The following ARHGAP10 variants were observed in gnomAD, a reference collection of about 807,000 sequenced individuals.
The protein encoded by ARHGAP10 is Rho GTPase activating protein 10, also known as rho GTPase-activating protein 10.
Under a neutral mutation model 108.6 loss-of-function variants are expected in ARHGAP10, and 87 were observed. The ratio of observed to expected loss-of-function variants is 0.80; its 90% CI spans 0.67 to 0.96. The LOEUF is 0.96. Ranked by LOEUF, ARHGAP10 falls within the 40% of genes least tolerant of loss-of-function variation. The probability of loss-of-function intolerance (pLI) is 0.00; values close to 1 mark genes in which losing one functional copy is unlikely to be tolerated. For missense variants in ARHGAP10, 939 were observed against 954.5 expected, an observed-to-expected ratio of 0.98 and a Z score of 0.21; for synonymous variants, 347 against 341.1, an observed-to-expected ratio of 1.02 and a Z score of -0.19.
chr4:147,968,834 G>A (rs1739297053), intron 18 of ARHGAP10, among the ~76,000 whole-genome samples: 1 of 152,182 alleles, frequency 6.6e-6, no homozygotes, highest in African/African-American at 2.4e-5. Context: ...CAGACATGTA[G>A]TAGGTGCCGG....
chr4:147,779,890 C>G (rs1730458961), intron 1 of ARHGAP10, among the ~76,000 whole-genome samples: 1 of 152,138 alleles, frequency 6.6e-6, no homozygotes, highest in Admixed American at 6.5e-5. Context: ...TTTAAAAATG[C>G]ACTAAGCCAT....
In ARHGAP10 at chr4:147,892,049, C is replaced by T. The variant is rs193044118; in HGVS notation, c.1034+10117C>T. 2.1e-3 allele frequency among the ~76,000 whole-genome samples: 319 copies of T among 152,254 alleles called. 1 individual carries two copies. Among genetic ancestry groups the T allele is most frequent in the Admixed American group, 0.018 (281 of 15,280 alleles). ...GGCACTGCTTAAAGAAAATGCTTCC[C>T]GTTTTGCTCTCATTAATCTGACATT... On this transcript the variant is annotated intron_variant, in intron 10 of 22. Transcript: ENST00000336498.
chr4:147,960,346 G>T (rs550707572), intron 16 of ARHGAP10, among the ~76,000 whole-genome samples: 4 of 152,106 alleles, frequency 2.6e-5, no homozygotes, highest in South Asian at 4.2e-4. Flanking sequence ...GTCCTCAGTT[G>T]TAAAATATCA....
intron 18 of ARHGAP10, among the ~76,000 whole-genome samples, chr4:147,987,340 G>C (rs1413962964): frequency 6.6e-6 from 1 of 152,154 alleles, no homozygotes; most frequent in Non-Finnish European, 1.5e-5. Flanking sequence ...ATTTTTTCTG[G>C]AATGATTTCC....
In ARHGAP10 at chr4:147,879,319, A is replaced by G. The variant is rs761396377; in HGVS notation, c.920A>G (p.His307Arg). The change falls in exon 9 of 23, where the codon CAC (histidine) becomes CGC (arginine). Residue 307 changes from histidine (H) to arginine (R), a missense_variant. Physicochemically the swap from His to Arg is conservative, Grantham distance 29 (BLOSUM62 0). Coordinates refer to ENST00000336498, the MANE Select transcript of ARHGAP10 (RefSeq NM_024605.4). Reference protein sequence around the residue: ...AKKFNMIPFEHRSGGKLGDGE... With the variant: ...AKKFNMIPFERRSGGKLGDGE... ...AAGTTCAACATGATCCCATTTGAGC[A>G]CAGATCTGGAGGGAAACTTGTAAGT... 4 of 1,613,534 alleles carry G rather than the reference A, an allele frequency of 2.5e-6. No homozygotes were observed. The highest frequency in any genetic ancestry group is 2.5e-6 in the Non-Finnish European group (3 of 1,179,568).
intron 7 of ARHGAP10, 42 bp from the exon 8 acceptor site, chr4:147,874,979 A>T (rs1331671969): frequency 1.3e-6 from 2 of 1,507,480 alleles, no homozygotes; most frequent in Non-Finnish European, 1.8e-6. Flanking sequence ...GAAAACTCAT[A>T]TGAGAACTTA....
At chr4:147,741,796 A>ACACACGCG (rs1162871486) in intron 1 of ARHGAP10, among the ~76,000 whole-genome samples, 1 of 43,798 alleles carries the variant, frequency 2.3e-5, no homozygotes, top group South Asian at 1.1e-3. Context: ...ACACACGCAC[A>ACACACGCG]CACACACACA....
At chr4:147,833,081 A>T (rs997230566) in intron 3 of ARHGAP10, among the ~76,000 whole-genome samples, 1 of 152,236 alleles carries the variant, frequency 6.6e-6, no homozygotes, top group African/African-American at 2.4e-5. Flanking sequence ...AATCCTGGAT[A>T]CAAGAATGGA....
At chr4:148,022,875 T>C (rs571197637) in intron 18 of ARHGAP10, among the ~76,000 whole-genome samples, 60 of 152,328 alleles carry the variant, frequency 3.9e-4, no homozygotes, top group African/African-American at 1.4e-3. Context: ...GAGGCCAACG[T>C]TTTGGTGTAA....
chr4:147,935,897 A>C (rs1737911878), intron 13 of ARHGAP10, among the ~76,000 whole-genome samples: 1 of 152,224 alleles, frequency 6.6e-6, no homozygotes, highest in African/African-American at 2.4e-5. Context: ...TGCACCTCTC[A>C]GTATGCATTA....
intron 1 of ARHGAP10, among the ~76,000 whole-genome samples, chr4:147,797,703 G>T (rs368671305): frequency 6.6e-6 from 1 of 152,092 alleles, no homozygotes; most frequent in South Asian, 2.1e-4. Flanking sequence ...GAGCCGTTGC[G>T]CCTGGCCAGC....
chr4:148,010,595 T>G (rs1163441898), intron 18 of ARHGAP10, among the ~76,000 whole-genome samples: 1 of 152,168 alleles, frequency 6.6e-6, no homozygotes, highest in Non-Finnish European at 1.5e-5. Context: ...TTCCTTTATA[T>G]CATAACCCTT....
intron 4 of ARHGAP10, among the ~76,000 whole-genome samples, chr4:147,848,242 T>C (rs1331810480): frequency 2.0e-5 from 3 of 152,220 alleles, no homozygotes; most frequent in Non-Finnish European, 4.4e-5. Context: ...TTAAGTGACT[T>C]GTGAAAATAT....
At chr4:147,866,290 AAC>A (rs917849513) in intron 6 of ARHGAP10, 1 of 153,996 alleles carries the variant, frequency 6.5e-6, no homozygotes, top group Non-Finnish European at 1.4e-5. Context: ...TTGTCAACAA[AAC>A]ACAGGGGTTG....
chr4:147,864,842 A>G lies in ARHGAP10; in HGVS notation c.487-4A>G, dbSNP rs377558707. 34 of 1,612,468 alleles carry G rather than the reference A, an allele frequency of 2.1e-5. No individual in the cohort carries two copies. The highest frequency in any genetic ancestry group is 2.7e-5 in the Non-Finnish European group (32 of 1,178,998). ...TTTGACTAACCTCTGTGATTTTAAC[A>G]TAGGCAGATATCCAAGTAGAGCAGA... On this transcript the variant is annotated splice_region_variant and splice_polypyrimidine_tract_variant and intron_variant, in intron 5 of 22. Coordinates refer to ENST00000336498, the MANE Select transcript of ARHGAP10 (RefSeq NM_024605.4).
At chr4:147,778,798 G>A (rs765252324) in intron 1 of ARHGAP10, among the ~76,000 whole-genome samples, 3 of 152,112 alleles carry the variant, frequency 2.0e-5, no homozygotes, top group Non-Finnish European at 2.9e-5. Flanking sequence ...ATTTTAATAA[G>A]TGTTGAGTGA....
rs547985867 is a variant in ARHGAP10, at chr4:147,854,607, GA to G, written c.385-2937del. 3.0e-3 allele frequency: 2,056 copies of G among 692,896 alleles called. 19 individuals are homozygous for G. Among genetic ancestry groups the G allele is most frequent in the African/African-American group, 0.025 (1,288 of 50,706 alleles). The allele number at this position is 692,896 out of a possible 1,614,324, so 42.9% of individuals were successfully genotyped here. ...TTTTTTCTGTAATGCAGTATTGGGG[GA>G]AAAAAAAAGCTCCATTCTTTATTGA... On this transcript the variant is annotated intron_variant, in intron 4 of 22. Coordinates refer to ENST00000336498, the MANE Select transcript of ARHGAP10 (RefSeq NM_024605.4).
chr4:147,739,890 C>T (rs1446579657), intron 1 of ARHGAP10, among the ~76,000 whole-genome samples: 1 of 151,330 alleles, frequency 6.6e-6, no homozygotes, highest in Non-Finnish European at 1.5e-5. Flanking sequence ...CGCCTGCCAC[C>T]ACACCCGGCT....
chr4:147,946,456 A>G, intron 14 of ARHGAP10, 161 bp from the exon 15 acceptor site: 1 of 565,808 alleles, frequency 1.8e-6, no homozygotes. Context: ...GTCATAGAAC[A>G]TAGCTTATAG....
Sources: gnomAD v4.1 joint callset for allele counts (sites outside exome capture counted in the v4.1 genomes callset) on GRCh38, gnomAD v4.1.1 for gene constraint, MANE v1.5 for transcripts, NCBI Gene and HGNC (gene_info 2026-07-23, HGNC 2026-07-21) for gene names.